TMF1: variants seen among roughly 807,000 people sequenced by gnomAD.
TMF1 encodes TATA element modulatory factor.
TMF1 carries 71 observed loss-of-function variants against 126.5 expected under a neutral mutation model. The ratio of observed to expected loss-of-function variants is 0.56; its 90% confidence interval spans 0.46 to 0.68. The LOEUF (loss-of-function observed/expected upper bound fraction) is 0.68, where lower values mean the gene tolerates loss of function less well. Ranked by LOEUF, TMF1 falls within the 30% of genes least tolerant of loss-of-function variation. The probability of loss-of-function intolerance (pLI) is 0.00; values close to 1 mark genes in which losing one functional copy is unlikely to be tolerated. For synonymous variants in TMF1, 461 were observed against 430.5 expected, an observed-to-expected ratio of 1.07 and a Z score of -0.88; for missense variants, 1,259 against 1,253.2, an observed-to-expected ratio of 1.00 and a Z score of -0.07.
chr3:69,029,317 G>C (rs1248038329), intron 11 of TMF1, among the ~76,000 whole-genome samples: 1 of 151,940 alleles, frequency 6.6e-6, no homozygotes, highest in Non-Finnish European at 1.5e-5. Context: ...ACAGGCATGA[G>C]CCACAGCACC....
In TMF1 at chr3:69,024,090, C is replaced by A. The variant is rs776993883; in HGVS notation, c.3103G>T (p.Val1035Leu). The A allele has an allele frequency of 1.2e-6, 2 of 1,609,500 alleles. No homozygotes were observed. The highest frequency in any genetic ancestry group is 1.7e-6 in the Non-Finnish European group (2 of 1,178,430). ...GTTCTAAGTTTGGGTATCTCCTTCA[C>A]CTTCTCTTCAAGTTCATCATTTTGA... is the stretch of plus-strand genomic sequence containing the variant. ...TNQNDELEEK[V>L]KEIPKLRTQL... The change falls in exon 16 of 17, where the codon GTG (valine) becomes TTG (leucine). Residue 1035 changes from valine (V) to leucine (L), a missense_variant. Val to Leu is a conservative substitution (Grantham distance 32). Transcript: ENST00000398559.
rs1381033995 is a variant in TMF1 at position 69,021,442 on chromosome 3, C to G, written c.*1735G>C. 6.6e-6 allele frequency: 1 copy of G among 152,494 alleles called. No individual in the cohort carries two copies. The highest frequency in any genetic ancestry group is 2.1e-4 in the South Asian group (1 of 4,824). 9.4% of individuals were successfully genotyped at this position (152,494 alleles called of 1,614,324 possible). A position where few individuals can be genotyped will look rare whatever the true frequency, so the allele number is the denominator to read the frequency against. The stretch of plus-strand genomic sequence containing the variant: ...ATCAAGCTGACAAAAAGCTATTAGA[C>G]TACTTTTTACTACTAAAATGAAGAA... On this transcript the variant is annotated 3_prime_UTR_variant, in exon 17 of 17. Transcript: ENST00000398559.
intron 5 of TMF1, among the ~76,000 whole-genome samples, chr3:69,040,688 G>A (rs2091858946): frequency 6.6e-6 from 1 of 152,162 alleles, no homozygotes; most frequent in African/African-American, 2.4e-5. Flanking sequence ...GCACTTTTGG[G>A]AAGCAGGCGG....
In TMF1 at chr3:69,045,236, T is replaced by C. The variant is rs775446201; in HGVS notation, c.1348-641A>G. On this transcript the variant is annotated intron_variant, in intron 2 of 16. Transcript: ENST00000398559. ...ACTTTGGGAGGCTGAGGTGGGGGGA[T>C]CACCTGAGGTCAGGAATTTGAGAGC... is the stretch of plus-strand genomic sequence containing the variant. Among the ~76,000 whole-genome samples the C allele has an allele frequency of 8.0e-4, 121 of 151,974 alleles. No homozygotes were observed. In the Middle Eastern group the frequency reaches 0.014, roughly 17 times the overall value.
intron 10 of TMF1, 147 bp downstream of exon 10, chr3:69,033,401 G>T: frequency 2.1e-6 from 2 of 930,388 alleles, no homozygotes; most frequent in Non-Finnish European, 3.0e-6. Flanking sequence ...AAAAATACAT[G>T]TAGAAAAAGA....
At chr3:69,033,498 A>G (rs1458384768) in intron 10 of TMF1, 50 bp downstream of exon 10, 1 of 1,551,980 alleles carries the variant, frequency 6.4e-7, no homozygotes, top group Non-Finnish European at 8.7e-7. Flanking sequence ...CTAATTCTAT[A>G]AACAAGATGG....
intron 15 of TMF1, chr3:69,024,479 C>T (rs558373926): frequency 5.6e-6 from 1 of 177,652 alleles, no homozygotes; most frequent in African/African-American, 2.4e-5. Flanking sequence ...ACATATATTT[C>T]AGTTATTCTA....
At position 69,021,363 on chromosome 3, in the gene TMF1, C is replaced by A. The variant is rs984804777; in HGVS notation, c.*1814G>T. Reference sequence around the variant, plus strand: ...CTATATTTTCTAATTCTATACATTTCTTATTGCTTATCTGTCCTGTCATTC... The same window carrying A: ...CTATATTTTCTAATTCTATACATTTATTATTGCTTATCTGTCCTGTCATTC... On this transcript the variant is annotated 3_prime_UTR_variant, in exon 17 of 17. Coordinates refer to ENST00000398559, the MANE Select transcript of TMF1 (RefSeq NM_007114.3). The A allele has an allele frequency of 2.0e-5, 3 of 152,552 alleles. No individual in the cohort carries two copies. Among genetic ancestry groups the A allele is most frequent in the Non-Finnish European group, 4.4e-5 (3 of 68,024 alleles). The allele number at this position is 152,552 out of a possible 1,614,324, so 9.4% of individuals were successfully genotyped here.
At chr3:69,028,165 G>A in intron 12 of TMF1, 61 bp downstream of exon 12, 1 of 1,428,054 alleles carries the variant, frequency 7.0e-7, no homozygotes. Context: ...TTAATTTGCT[G>A]CCATCCCCAA....
chr3:69,044,022 A>G (rs1575818454), intron 3 of TMF1, 146 bp from the exon 4 acceptor site: 6 of 507,084 alleles, frequency 1.2e-5, no homozygotes, highest in Middle Eastern at 5.9e-4. Context: ...AACTTTTAAG[A>G]AAAAAAAAGG....
chr3:69,050,803 A>C (rs780593239), intron 1 of TMF1, among the ~76,000 whole-genome samples: 1 of 152,160 alleles, frequency 6.6e-6, no homozygotes, highest in Non-Finnish European at 1.5e-5. Flanking sequence ...TAAGAACAGA[A>C]ACCAGAAAGG....
chr3:69,030,342 C>T (rs1190625998), intron 10 of TMF1: 1 of 183,968 alleles, frequency 5.4e-6, no homozygotes. Flanking sequence ...CGAAAATTAA[C>T]TCAAAATGGA....
chr3:69,039,820 GT>G, intron 5 of TMF1, 127 bp from the exon 6 acceptor site: 1 of 1,010,274 alleles, frequency 9.9e-7, no homozygotes, highest in Non-Finnish European at 1.4e-6. Context: ...AACCCACAAT[GT>G]TACAACTAAT....
chr3:69,052,261 C>G lies in TMF1; in HGVS notation c.-175G>C, dbSNP rs1263374505. On this transcript the variant is annotated 5_prime_UTR_variant, in exon 1 of 17. Coordinates refer to ENST00000398559, the MANE Select transcript of TMF1 (RefSeq NM_007114.3). Reference sequence around the variant, plus strand: ...CCGGGATGTTACCCTCGGCCGTTCCCGCACAGCTGAGACGAAGGGGGCCCA... The same window carrying G: ...CCGGGATGTTACCCTCGGCCGTTCCGGCACAGCTGAGACGAAGGGGGCCCA... 1 of 617,964 alleles carries G rather than the reference C, an allele frequency of 1.6e-6. No individual in the cohort carries two copies. The highest frequency in any genetic ancestry group is 3.3e-5 in the East Asian group (1 of 30,528). 38.3% of individuals were successfully genotyped at this position (617,964 alleles called of 1,614,324 possible).
intron 2 of TMF1, among the ~76,000 whole-genome samples, chr3:69,046,321 G>C (rs2091895737): frequency 6.6e-6 from 1 of 152,006 alleles, no homozygotes; most frequent in South Asian, 2.1e-4. Flanking sequence ...CCTGAGTTTG[G>C]TTTAGATGAA....
chr3:69,033,273 CAAAAAAAAAA>C (rs34778745), intron 10 of TMF1, among the ~76,000 whole-genome samples: 1 of 85,644 alleles, frequency 1.2e-5, no homozygotes, highest in African/African-American at 4.4e-5. Context: ...GACTCCATCT[CAAAAAAAAAA>C]AAAAAAAAAG....
At chr3:69,037,186 T>A (rs1436948647) in intron 8 of TMF1, among the ~76,000 whole-genome samples, 1 of 152,182 alleles carries the variant, frequency 6.6e-6, no homozygotes, top group Non-Finnish European at 1.5e-5. Context: ...ACATCCAACA[T>A]CATTAGTCAT....
At chr3:69,045,181 G>C (rs2091888902) in intron 2 of TMF1, among the ~76,000 whole-genome samples, 1 of 152,218 alleles carries the variant, frequency 6.6e-6, no homozygotes, top group African/African-American at 2.4e-5. Flanking sequence ...AAGTAGGCCA[G>C]GCGCAGTGGC....
rs918966870 is a variant in TMF1 at position 69,033,480 on chromosome 3, C to A, written c.2401+68G>T. 8 of 1,484,668 alleles carry A rather than the reference C, an allele frequency of 5.4e-6. No individual in the cohort carries two copies. The African/African-American group carries it at 7.1e-5, about 13-fold the overall frequency. The allele number at this position is 1,484,668 out of a possible 1,614,324, so 92.0% of individuals were successfully genotyped here. ...AGATCAAATGAATTTCAATTTCATA[C>A]CATTATTCTAATTCTATAAACAAGA... On this transcript the variant is annotated intron_variant, in intron 10 of 16. Transcript: ENST00000398559.
Sources: allele counts gnomAD v4.1 joint callset (sites outside exome capture counted in the v4.1 genomes callset), GRCh38; gene constraint gnomAD v4.1.1; transcripts MANE v1.5; gene names NCBI Gene and HGNC (gene_info 2026-07-23, HGNC 2026-07-21).